The following GMCL1 variants were observed in gnomAD, a reference collection of about 807,000 sequenced individuals.
GMCL1 encodes germ cell-less protein-like 1.
A neutral mutation model predicts 75.5 loss-of-function variants in GMCL1; 54 were observed. The observed-to-expected ratio is 0.71, with a 90% CI of 0.57 to 0.90. The LOEUF (loss-of-function observed/expected upper bound fraction) is 0.90, where lower values mean the gene tolerates loss of function less well. Ranked by LOEUF, GMCL1 falls within the 40% of genes least tolerant of loss-of-function variation. GMCL1 has a pLI of 0.00. For synonymous variants in GMCL1, 210 were observed against 209.6 expected (o/e 1.00, Z -0.02); for missense variants, 537 against 622.7 (o/e 0.86, Z 1.47).
chr2:69,835,603 G>A (rs1034489399), intron 1 of GMCL1, among the ~76,000 whole-genome samples: 1 of 152,026 alleles, frequency 6.6e-6, no homozygotes, highest in African/African-American at 2.4e-5. Context: ...TTATAGGTGG[G>A]GCATGCTTTG....
At position 69,854,939 on chromosome 2, in the gene GMCL1, C is replaced by T; in HGVS notation, c.1051C>T (p.Gln351Ter). 1 of 1,607,070 alleles carries T rather than the reference C, an allele frequency of 6.2e-7. No individual in the cohort carries two copies. Among genetic ancestry groups the T allele is most frequent in the Non-Finnish European group, 8.5e-7 (1 of 1,175,956 alleles). The change falls in exon 9 of 14, where the codon CAA becomes TAA. Residue 351 changes from glutamine (Q) to a stop codon, truncating the protein, a stop_gained. Transcript: ENST00000282570. LOFTEE classifies it high-confidence loss of function. Reference sequence around the variant, plus strand: ...TCTGGCTTCTGCAAGAATTATTGAACAAGATGCTGTAGTACCTTCAGGTAA... The same window carrying T: ...TCTGGCTTCTGCAAGAATTATTGAATAAGATGCTGTAGTACCTTCAGGTAA... ...SDLASARIIE[Q>*]DAVVPSEWLS... is the part of the protein sequence containing the mutation.
intron 11 of GMCL1, chr2:69,869,506 A>G (rs963434305): frequency 7.0e-6 from 3 of 426,116 alleles, no homozygotes; most frequent in Non-Finnish European, 1.3e-5. Flanking sequence ...AGAGGAAAGT[A>G]GCTTAGAGAA....
At chr2:69,847,171 T>C (rs1295781803) in intron 6 of GMCL1, among the ~76,000 whole-genome samples, 1 of 151,894 alleles carries the variant, frequency 6.6e-6, no homozygotes, top group Non-Finnish European at 1.5e-5. Flanking sequence ...AGTGGAGTGG[T>C]GGAAGGCAAA....
intron 3 of GMCL1, chr2:69,840,260 A>G (rs1315025866): frequency 6.6e-6 from 1 of 152,200 alleles, no homozygotes; most frequent in Non-Finnish European, 1.5e-5. Flanking sequence ...AATACAAAAA[A>G]TTAGCCAAGC....
rs781426276 is a variant in GMCL1, at chr2:69,830,092, A to G, written c.200A>G (p.Glu67Gly). ...TTCTGCTACTGTCACCCTGACTCGG[A>G]GACGGACGAGGATGAGGAGGAGGGG... Reference protein sequence around the residue: ...GSFCYCHPDSETDEDEEEGDE... With the variant: ...GSFCYCHPDSGTDEDEEEGDE... The change falls in exon 1 of 14, where the codon GAG (glutamate) becomes GGG (glycine). Residue 67 changes from glutamate to glycine, a missense_variant. Glu to Gly is a moderately conservative substitution (Grantham distance 98). This residue lies in a region of GMCL1 where 144 missense variants were observed against 127.2 expected (regional missense o/e 1.13). Transcript: ENST00000282570. The G allele has an allele frequency of 1.4e-5, 22 of 1,578,310 alleles. No individual in the cohort carries two copies. In the South Asian group the frequency reaches 2.2e-4, roughly 16 times the overall value.
At chr2:69,849,561 T>C (rs1477211850) in intron 7 of GMCL1, 91 bp from the exon 8 acceptor site, 2 of 777,094 alleles carry the variant, frequency 2.6e-6, no homozygotes, top group Non-Finnish European at 4.0e-6. Flanking sequence ...TTTTAGCTAT[T>C]ATATTTTAAG....
intron 13 of GMCL1, 61 bp from the exon 14 acceptor site, chr2:69,878,848 A>T (rs1187214485): frequency 2.7e-6 from 3 of 1,121,050 alleles, no homozygotes; most frequent in Non-Finnish European, 4.1e-6. Flanking sequence ...TCAGTTCAAC[A>T]GTTTGGTTTT....
intron 9 of GMCL1, among the ~76,000 whole-genome samples, chr2:69,860,969 A>C (rs565616286): frequency 2.6e-5 from 4 of 152,066 alleles, no homozygotes; most frequent in Non-Finnish European, 5.9e-5. Flanking sequence ...CAGCCCCCCA[A>C]GTAGTTGGGA....
intron 11 of GMCL1, among the ~76,000 whole-genome samples, chr2:69,867,515 A>T (rs972410658): frequency 2.6e-5 from 4 of 152,226 alleles, no homozygotes; most frequent in Admixed American, 6.5e-5. Flanking sequence ...CATTCTGGAT[A>T]TACAATACAT....
chr2:69,855,033 CAAGGA>C, intron 9 of GMCL1, 73 bp downstream of exon 9: 1 of 1,176,944 alleles, frequency 8.5e-7, no homozygotes, highest in Non-Finnish European at 1.2e-6. Flanking sequence ...TAGAAAAGAA[CAAGGA>C]AAGAAGTAGA....
intron 2 of GMCL1, among the ~76,000 whole-genome samples, chr2:69,838,336 C>CAAAAAAAAAAAAAAAAAA (rs71397366): frequency 6.3e-5 from 2 of 31,522 alleles, no homozygotes; most frequent in East Asian, 1.1e-3. Context: ...GACTCTGTCT[C>CAAAAAAAAAAAAAAAAAA]AAAAAAAAAA....
At chr2:69,870,008 C>A in intron 12 of GMCL1, 144 bp downstream of exon 12, 3 of 712,246 alleles carry the variant, frequency 4.2e-6, no homozygotes, top group Non-Finnish European at 6.5e-6. Context: ...AGGCTCCATT[C>A]CTGTGAAATC....
rs192715815 is a variant in GMCL1, at chr2:69,831,863, C to G, written c.260+1711C>G. 7.4e-3 allele frequency among the ~76,000 whole-genome samples: 1,122 copies of G among 152,292 alleles called. 14 individuals are homozygous for G. The highest frequency in any genetic ancestry group is 8.6e-3 in the Non-Finnish European group (585 of 68,014). ...GTTCAAGTGATCCTGTTGCCTTGAC[C>G]TCCCAAAGTGTTGGGATTACAGGTG... On this transcript the variant is annotated intron_variant, in intron 1 of 13. Transcript: ENST00000282570.
At chr2:69,838,782 C>T (rs996213206) in intron 2 of GMCL1, among the ~76,000 whole-genome samples, 1 of 152,134 alleles carries the variant, frequency 6.6e-6, no homozygotes, top group Non-Finnish European at 1.5e-5. Flanking sequence ...AACTTTACCC[C>T]TCGTGGAAGA....
chr2:69,861,445 C>G (rs1675644479), intron 10 of GMCL1, 98 bp downstream of exon 10: 1 of 678,492 alleles, frequency 1.5e-6, no homozygotes, highest in Non-Finnish European at 2.5e-6. Context: ...GTATTGAAAA[C>G]TCAAGCTGTT....
intron 9 of GMCL1, among the ~76,000 whole-genome samples, chr2:69,857,211 G>T (rs1056803216): frequency 1.3e-5 from 2 of 152,008 alleles, no homozygotes; most frequent in Non-Finnish European, 2.9e-5. Flanking sequence ...TTCCCTCTCA[G>T]GCTTGGATTT....
At chr2:69,851,262 C>A (rs1224773040) in intron 8 of GMCL1, among the ~76,000 whole-genome samples, 3 of 151,778 alleles carry the variant, frequency 2.0e-5, no homozygotes, top group Non-Finnish European at 4.4e-5. Context: ...CATATCAAGA[C>A]CCTGTCCCTA....
chr2:69,843,008 CTT>C (rs1262537327), intron 4 of GMCL1, 139 bp from the exon 5 acceptor site: 34 of 224,176 alleles, frequency 1.5e-4, no homozygotes, highest in African/African-American at 7.3e-4. Flanking sequence ...AAAAAAAAAA[CTT>C]AGGTTTGCTG....
chr2:69,846,557 ACT>A (rs1266404605), intron 6 of GMCL1, among the ~76,000 whole-genome samples: 1 of 152,124 alleles, frequency 6.6e-6, no homozygotes, highest in Non-Finnish European at 1.5e-5. Flanking sequence ...CAGGGGGATG[ACT>A]CTAATTTCTC....
Sources: allele counts gnomAD v4.1 joint callset (sites outside exome capture counted in the v4.1 genomes callset), GRCh38; gene constraint gnomAD v4.1.1; regional missense constraint gnomAD v4.1.1; transcripts MANE v1.5; gene names NCBI Gene and HGNC (gene_info 2026-07-23, HGNC 2026-07-21).